The following TP53I11 variants were observed in gnomAD, a reference collection of about 807,000 sequenced individuals.
TP53I11 encodes the protein tumor protein p53 inducible protein 11, also known as tumor protein p53-inducible protein 11.
TP53I11 carries 9 observed loss-of-function variants against 23.3 expected under a neutral mutation model. The ratio of observed to expected loss-of-function variants is 0.39; its 90% CI spans 0.23 to 0.67. The LOEUF is 0.67. Among genes scored for constraint, TP53I11 ranks in the 30% least tolerant of loss-of-function variants. The probability of loss-of-function intolerance (pLI) is 0.48; values close to 1 mark genes in which losing one functional copy is unlikely to be tolerated. For missense variants in TP53I11, 170 were observed against 255.2 expected, an observed-to-expected ratio of 0.67 and a Z score of 2.27; for synonymous variants, 100 against 106.1, an observed-to-expected ratio of 0.94 and a Z score of 0.35.
chr11:44,946,895 C>T (rs1326197437), intron 1 of TP53I11: 1 of 397,544 alleles, frequency 2.5e-6, no homozygotes, highest in South Asian at 1.9e-5. Context: ...AGACCCGCCA[C>T]CCCTCAGCCT....
At chr11:44,947,394 C>T (rs915740794) in intron 1 of TP53I11, 15 of 305,818 alleles carry the variant, frequency 4.9e-5, no homozygotes, top group Middle Eastern at 1.2e-3. Flanking sequence ...CCTCCCTCTC[C>T]GACCTGCACC....
In TP53I11 at chr11:44,936,778, C is replaced by G. The variant is rs377454363; in HGVS notation, c.334+25G>C. On this transcript the variant is annotated intron_variant, in intron 5 of 6. Transcript: ENST00000525680. This position sits in a 1 kb window ranked among gnomAD's most constrained non-coding sequence, Gnocchi z 4.4. ...TCTCCCAGCTGCCCGTCGCCTCCCC[C>G]AGGGCCCGCCCCAGCAGTACTCACT... The G allele has an allele frequency of 3.0e-5, 46 of 1,520,536 alleles. No homozygotes were observed. The African/African-American group carries it at 4.2e-4, about 14-fold the overall frequency. The allele number at this position is 1,520,536 out of a possible 1,614,324, so 94.2% of individuals were successfully genotyped here.
In TP53I11 at chr11:44,938,225, C is replaced by T. The variant is rs776831685; in HGVS notation, c.111G>A (p.Gly37=). 8.6e-5 allele frequency: 138 copies of T among 1,613,088 alleles called. 1 individual carries two copies. The Admixed American group carries it at 2.3e-3, about 27-fold the overall frequency. Residue 37 remains glycine (G), a synonymous_variant, in exon 2 of 7, where the codon GGG becomes GGA. Transcript: ENST00000525680. The stretch of plus-strand genomic sequence containing the variant: ...ACCCCACCTTGGAGCGATGCACCTC[C>T]CCGTCGTCATCCTCCCCGCCCACGC... ...ILGVGGEDDD[G]EVHRSKISQV...
chr11:44,942,964 T>A (rs1445106190), intron 1 of TP53I11, among the ~76,000 whole-genome samples: 2 of 152,196 alleles, frequency 1.3e-5, no homozygotes, highest in African/African-American at 4.8e-5. Context: ...CAGGTGTTTA[T>A]TTCAGGCCTA....
At chr11:44,946,432 C>A (rs1862400134) in intron 1 of TP53I11, among the ~76,000 whole-genome samples, 1 of 152,250 alleles carries the variant, frequency 6.6e-6, no homozygotes, top group Non-Finnish European at 1.5e-5. Context: ...CAGCATCCGT[C>A]TTCCTCATCA....
rs1860709643 is a variant in TP53I11, at chr11:44,933,033, A to AG, written c.*1850dup. 1 of 22,092 alleles carries AG rather than the reference A, an allele frequency of 4.5e-5. No homozygotes were observed. The highest frequency in any genetic ancestry group is 9.8e-5 in the Non-Finnish European group (1 of 10,180). 1.4% of individuals were successfully genotyped at this position (22,092 alleles called of 1,614,324 possible). A position where few individuals can be genotyped will look rare whatever the true frequency, so the allele number is the denominator to read the frequency against. On this transcript the variant is annotated 3_prime_UTR_variant, in exon 7 of 7. Coordinates refer to ENST00000525680, the MANE Select transcript of TP53I11 (RefSeq NM_006034.5). ...ATTGGCGGCACCACCTGTGGGCAGC[A>AG]GCGGGAGGCAGTGGTGGCTCGTGGC...
chr11:44,935,515 G>C (rs965050810), intron 6 of TP53I11, 46 bp downstream of exon 6: 3 of 1,576,412 alleles, frequency 1.9e-6, no homozygotes, highest in Non-Finnish European at 2.6e-6. Context: ...CAGGTCAGGG[G>C]CGAAGCGGCC....
chr11:44,935,500 G>A, intron 6 of TP53I11, 61 bp downstream of exon 6: 5 of 1,491,958 alleles, frequency 3.4e-6, no homozygotes, highest in East Asian at 2.3e-5. Context: ...GGTGGCTAGA[G>A]CAGGCAGGTC....
intron 1 of TP53I11, among the ~76,000 whole-genome samples, chr11:44,946,663 C>T (rs1862419743): frequency 6.6e-6 from 1 of 152,232 alleles, no homozygotes; most frequent in Non-Finnish European, 1.5e-5. Context: ...TGTCCTGGAG[C>T]TGGAAGGTGG....
At chr11:44,946,984 A>G (rs1029313581) in intron 1 of TP53I11, 2 of 455,768 alleles carry the variant, frequency 4.4e-6, no homozygotes, top group Non-Finnish European at 8.8e-6. Context: ...GGAAAGCCCA[A>G]CCTTTCATCA....
At position 44,936,063 on chromosome 11, in the gene TP53I11, C is replaced by T. The variant is rs928940817; in HGVS notation, c.335-401G>A. 3.0e-5 allele frequency: 9 copies of T among 295,514 alleles called. No homozygotes were observed. The highest frequency in any genetic ancestry group is 1.7e-4 in the South Asian group (2 of 11,810). The allele number at this position is 295,514 out of a possible 1,614,324, so 18.3% of individuals were successfully genotyped here. A position where few individuals can be genotyped will look rare whatever the true frequency, so the allele number is the denominator to read the frequency against. On this transcript the variant is annotated intron_variant, in intron 5 of 6. Coordinates refer to ENST00000525680, the MANE Select transcript of TP53I11 (RefSeq NM_006034.5). This position sits in a 1 kb window ranked among gnomAD's most constrained non-coding sequence, Gnocchi z 4.4. The stretch of plus-strand genomic sequence containing the variant: ...TCCTATGATTGGGTTTTCTTTTACA[C>T]GGACTCCCAGACAGAAAACCTGAGC...
chr11:44,936,315 A>G lies in TP53I11; in HGVS notation c.334+488T>C. 3 of 1,190,850 alleles carry G rather than the reference A, an allele frequency of 2.5e-6. No homozygotes were observed. Among genetic ancestry groups the G allele is most frequent in the Non-Finnish European group, 3.1e-6 (3 of 962,774 alleles). The allele number at this position is 1,190,850 out of a possible 1,614,324, so 73.8% of individuals were successfully genotyped here. A position where few individuals can be genotyped will look rare whatever the true frequency, so the allele number is the denominator to read the frequency against. ...GAGCCATAGAATATTTCGTAGAAAT[A>G]GAGGCATATTACCTATGCTGAGCTT... On this transcript the variant is annotated intron_variant, in intron 5 of 6. Transcript: ENST00000525680. The surrounding 1 kb of genome is among the most constrained non-coding windows in gnomAD (Gnocchi z 4.4).
rs1037002281 is a variant in TP53I11, at chr11:44,934,826, C to T, written c.*58G>A. ...TGCCTTCCAGGAGCCAAAGGGAAGC[C>T]GAGGCCCCAGCGCCACTCTGGCCCA... On this transcript the variant is annotated 3_prime_UTR_variant, in exon 7 of 7. Coordinates refer to ENST00000525680, the MANE Select transcript of TP53I11 (RefSeq NM_006034.5). The T allele has an allele frequency of 2.6e-5, 41 of 1,605,376 alleles. No individual in the cohort carries two copies. Among genetic ancestry groups the T allele is most frequent in the Non-Finnish European group, 3.4e-5 (40 of 1,175,042 alleles).
At chr11:44,941,685 G>C (rs116116289) in intron 1 of TP53I11, among the ~76,000 whole-genome samples, 4,421 of 152,212 alleles carry the variant, frequency 0.029, 216 homozygotes, top group African/African-American at 0.1. Context: ...CACAGACACT[G>C]CCACCCTCCC....
At chr11:44,935,140 C>G in intron 6 of TP53I11, 123 bp from the exon 7 acceptor site, 2 of 1,442,754 alleles carry the variant, frequency 1.4e-6, no homozygotes, top group Non-Finnish European at 1.9e-6. Flanking sequence ...CAGGATCCTC[C>G]CAGGTGGGAA....
At position 44,936,925 on chromosome 11, in the gene TP53I11, G is replaced by A. The variant is rs773984728; in HGVS notation, c.238-26C>T. The stretch of plus-strand genomic sequence containing the variant: ...CTGCGGGCAGCGAGAGGGGCTCAGA[G>A]GTCCCGCTTGGGAGAGGGTGGGGGG... On this transcript the variant is annotated intron_variant, in intron 4 of 6. Transcript: ENST00000525680. The surrounding 1 kb of genome is among the most constrained non-coding windows in gnomAD (Gnocchi z 4.4). 1.3e-5 allele frequency: 20 copies of A among 1,542,834 alleles called. No homozygotes were observed. The South Asian group carries it at 2.4e-4, about 18-fold the overall frequency.
In TP53I11 at chr11:44,949,282, C is replaced by T. The variant is rs141192776; in HGVS notation, c.-32+1395G>A. Among the ~76,000 whole-genome samples the T allele has an allele frequency of 5.2e-3, 795 of 152,314 alleles. 8 individuals are homozygous for T. The highest frequency in any genetic ancestry group is 0.018 in the African/African-American group (752 of 41,572). ...CCCCGCGTCCCTGGGATCTGCGGGC[C>T]GCAGATCCTGGTCCCCTCTCCACAG... On this transcript the variant is annotated intron_variant, in intron 1 of 6. Transcript: ENST00000525680.
intron 1 of TP53I11, among the ~76,000 whole-genome samples, chr11:44,948,457 C>G (rs556501254): frequency 6.6e-6 from 1 of 152,160 alleles, no homozygotes; most frequent in South Asian, 2.1e-4. Flanking sequence ...CTCAGGGAGA[C>G]CTCCCTGACA....
At position 44,934,803 on chromosome 11, in the gene TP53I11, C is replaced by T. The variant is rs890998406; in HGVS notation, c.*81G>A. 3 of 1,584,780 alleles carry T rather than the reference C, an allele frequency of 1.9e-6. No homozygotes were observed. The highest frequency in any genetic ancestry group is 2.6e-6 in the Non-Finnish European group (3 of 1,163,874). ...TGGGGCAGGGCAGGGGACCCTCCTG[C>T]CTTCCAGGAGCCAAAGGGAAGCCGA... On this transcript the variant is annotated 3_prime_UTR_variant, in exon 7 of 7. Transcript: ENST00000525680.
Sources: allele counts gnomAD v4.1 joint callset (sites outside exome capture counted in the v4.1 genomes callset), GRCh38; gene constraint gnomAD v4.1.1; non-coding constraint Gnocchi (gnomAD v3.1); transcripts MANE v1.5; gene names NCBI Gene and HGNC (gene_info 2026-07-23, HGNC 2026-07-21).